The following AGR3 variants were observed in gnomAD, a reference collection of about 807,000 sequenced individuals.
The protein encoded by AGR3 is anterior gradient 3, protein disulphide isomerase family member, also known as anterior gradient protein 3.
Under a neutral mutation model 24.5 loss-of-function variants are expected in AGR3, and 37 were observed. That is an observed-to-expected ratio of 1.51 (90% CI 1.16 to 1.99). AGR3 has a LOEUF of 1.99. AGR3 is among the 30% of genes most tolerant of loss of function. AGR3 has a pLI of 0.00. For synonymous variants in AGR3, 75 were observed against 61.6 expected (o/e 1.22, Z -1.02); for missense variants, 228 against 191.1 (o/e 1.19, Z -1.14).
intron 2 of AGR3, among the ~76,000 whole-genome samples, chr7:16,878,236 C>A (rs529472368): frequency 6.6e-6 from 1 of 152,082 alleles, no homozygotes; most frequent in East Asian, 1.9e-4. Context: ...TTTTCTAGGA[C>A]TCTGGTTACC....
chr7:16,858,819 G>T (rs941147134), downstream of AGR3, among the ~76,000 whole-genome samples: 1 of 152,150 alleles, frequency 6.6e-6, no homozygotes, highest in African/African-American at 2.4e-5. Context: ...CGTGGAGGTT[G>T]CAGTGAGCCA....
intron 1 of AGR3, among the ~76,000 whole-genome samples, chr7:16,881,274 T>A (rs1057232830): frequency 6.6e-6 from 1 of 152,200 alleles, no homozygotes; most frequent in African/African-American, 2.4e-5. Flanking sequence ...ACTTTCTAAT[T>A]AAAAAATAAA....
chr7:16,857,182 T>C (rs910921534), downstream of AGR3, among the ~76,000 whole-genome samples: 1 of 152,068 alleles, frequency 6.6e-6, no homozygotes, highest in African/African-American at 2.4e-5. Context: ...GAAGGAAAAC[T>C]AAATTGGTTA....
intron 2 of AGR3, among the ~76,000 whole-genome samples, chr7:16,877,923 ATT>A (rs1489503825): frequency 6.6e-6 from 1 of 151,996 alleles, no homozygotes; most frequent in African/African-American, 2.4e-5. Flanking sequence ...ATGAATATAT[ATT>A]TGTTTCTTGG....
At chr7:16,877,849 CAAGACTCCGTCTCAAAAAAAAA>C (rs1782018686) in intron 2 of AGR3, among the ~76,000 whole-genome samples, 1 of 113,850 alleles carries the variant, frequency 8.8e-6, no homozygotes, top group Non-Finnish European at 1.7e-5. Context: ...GGTGACAGAG[CAAGACTCCGTCTCAAAAAAAAA>C]AAAAAAGAGA....
At chr7:16,854,891 G>T (rs1781534984), downstream of AGR3, among the ~76,000 whole-genome samples, 1 of 152,114 alleles carries the variant, frequency 6.6e-6, no homozygotes, top group Non-Finnish European at 1.5e-5. Flanking sequence ...CCTTCTGTAT[G>T]CATGTCTCTG....
chr7:16,871,857 A>C (rs1477821931), intron 3 of AGR3, among the ~76,000 whole-genome samples: 1 of 152,082 alleles, frequency 6.6e-6, no homozygotes, highest in South Asian at 2.1e-4. Flanking sequence ...ACAACAAGCA[A>C]ACAAAAACCA....
chr7:16,879,897 A>G (rs1782069300), intron 1 of AGR3, among the ~76,000 whole-genome samples: 1 of 152,122 alleles, frequency 6.6e-6, no homozygotes, highest in Non-Finnish European at 1.5e-5. Context: ...CAGATTCTAG[A>G]TTTCTCCAGA....
At chr7:16,880,054 C>CTTCCCCTTCCTTCCTTCCCCTTCCTTCT (rs369279431) in intron 1 of AGR3, among the ~76,000 whole-genome samples, 3,786 of 140,250 alleles carry the variant, frequency 0.027, 104 homozygotes, top group African/African-American at 0.038. Context: ...CCCTCCTTCC[C>CTTCCCCTTCCTTCCTTCCCCTTCCTTCT]TTCCCCTTCC....
At chr7:16,860,422 T>C (rs752988182) in intron 7 of AGR3, 78 bp downstream of exon 7, 4 of 1,060,510 alleles carry the variant, frequency 3.8e-6, no homozygotes, top group Non-Finnish European at 4.4e-6. Context: ...GAAGCACTGA[T>C]GTAGGGCTTC....
At chr7:16,868,207 G>A (rs994114748) in intron 3 of AGR3, among the ~76,000 whole-genome samples, 3 of 151,804 alleles carry the variant, frequency 2.0e-5, no homozygotes, top group Non-Finnish European at 2.9e-5. Context: ...CCAGGCTGGA[G>A]TGCAATGGTG....
intron 3 of AGR3, among the ~76,000 whole-genome samples, chr7:16,866,809 C>T (rs376766333): frequency 4.0e-5 from 6 of 151,806 alleles, no homozygotes; most frequent in Admixed American, 2.0e-4. Context: ...TATAGGAGTA[C>T]GTTGTATATT....
chr7:16,859,653 A>G (rs1463668077), intron 7 of AGR3, 22 bp from the exon 8 acceptor site: 1 of 1,383,512 alleles, frequency 7.2e-7, no homozygotes, highest in Non-Finnish European at 9.9e-7. Context: ...GTTAATATAT[A>G]TTATGCTATT....
intron 2 of AGR3, among the ~76,000 whole-genome samples, chr7:16,877,585 C>G (rs1419508503): frequency 1.3e-5 from 2 of 151,616 alleles, no homozygotes; most frequent in Non-Finnish European, 2.9e-5. Flanking sequence ...TTTTCTTGGC[C>G]GGGCGCGGTG....
intron 3 of AGR3, among the ~76,000 whole-genome samples, chr7:16,872,666 A>ACT (rs1410481339): frequency 1.3e-5 from 2 of 152,192 alleles, no homozygotes; most frequent in Non-Finnish European, 2.9e-5. Context: ...TAAGGGGACA[A>ACT]ACTGTAGAAT....
In AGR3 at chr7:16,866,122, C is replaced by T. The variant is rs895102098; in HGVS notation, c.174-3460G>A. 9 of 547,952 alleles carry T rather than the reference C, an allele frequency of 1.6e-5. No individual in the cohort carries two copies. The African/African-American group carries it at 1.7e-4, about 11-fold the overall frequency. 33.9% of individuals were successfully genotyped at this position (547,952 alleles called of 1,614,324 possible). A position where few individuals can be genotyped will look rare whatever the true frequency, so the allele number is the denominator to read the frequency against. ...GAAGACAGATTTCCTATTTTTCTAG[C>T]TGGAAATATCTTACTTTCTAATGTA... On this transcript the variant is annotated intron_variant, in intron 3 of 7. Coordinates refer to ENST00000310398, the MANE Select transcript of AGR3 (RefSeq NM_176813.5).
chr7:16,880,052 C>CCCTTCCCCTTCCTTCCTTCCCCTTCCTT (rs537802846), intron 1 of AGR3, among the ~76,000 whole-genome samples: 7 of 131,048 alleles, frequency 5.3e-5, no homozygotes, highest in African/African-American at 1.9e-4. Context: ...CTCCCTCCTT[C>CCCTTCCCCTTCCTTCCTTCCCCTTCCTT]CCTTCCCCTT....
intron 3 of AGR3, among the ~76,000 whole-genome samples, chr7:16,871,445 G>T (rs998343188): frequency 6.6e-6 from 1 of 152,000 alleles, no homozygotes; most frequent in Non-Finnish European, 1.5e-5. Flanking sequence ...TAAAATTAAC[G>T]GAGAGTGGAG....
chr7:16,866,514 G>A (rs530888478), intron 3 of AGR3, among the ~76,000 whole-genome samples: 1 of 152,140 alleles, frequency 6.6e-6, no homozygotes, highest in Non-Finnish European at 1.5e-5. Flanking sequence ...GAGTCAGAGT[G>A]TGTGCATTTA....
Sources: gnomAD v4.1 joint callset for allele counts (sites outside exome capture counted in the v4.1 genomes callset) on GRCh38, gnomAD v4.1.1 for gene constraint, MANE v1.5 for transcripts, NCBI Gene and HGNC (gene_info 2026-07-23, HGNC 2026-07-21) for gene names.